FGF12: variants seen among roughly 807,000 people sequenced by gnomAD.
FGF12 encodes fibroblast growth factor 12.
Under a neutral mutation model 23.6 loss-of-function variants are expected in FGF12, and 14 were observed. The ratio of observed to expected loss-of-function variants is 0.59; its 90% CI spans 0.39 to 0.93. The LOEUF is 0.93. Ranked by LOEUF, FGF12 falls within the 40% of genes least tolerant of loss-of-function variation. The pLI, the probability that FGF12 is intolerant of heterozygous loss-of-function variation, is 0.00. For synonymous variants in FGF12, 62 were observed against 77.3 expected (o/e 0.80, Z 1.04); for missense variants, 175 against 217.8 (o/e 0.80, Z 1.24).
chr3:192,585,949 A>C (rs557240120), intron 2 of FGF12, among the ~76,000 whole-genome samples: 84 of 152,344 alleles, frequency 5.5e-4, no homozygotes, highest in African/African-American at 1.9e-3. Context: ...AGCAGTAATA[A>C]TATATGAAGA....
intron 2 of FGF12, among the ~76,000 whole-genome samples, chr3:192,564,766 A>T (rs781697925): frequency 3.3e-5 from 5 of 152,218 alleles, no homozygotes; most frequent in Non-Finnish European, 7.3e-5. Context: ...GGAATTTTTT[A>T]AATGTTTCTG....
At chr3:192,198,797 T>C (rs1475987414) in intron 4 of FGF12, among the ~76,000 whole-genome samples, 1 of 152,242 alleles carries the variant, frequency 6.6e-6, no homozygotes, top group Non-Finnish European at 1.5e-5. Context: ...AAGGTCAACA[T>C]GCTAGTGTCC....
chr3:192,444,503 G>A (rs146700570), intron 2 of FGF12, among the ~76,000 whole-genome samples: 209 of 152,226 alleles, frequency 1.4e-3, no homozygotes, highest in African/African-American at 4.6e-3. Flanking sequence ...ACAAGATAAT[G>A]TGACCTTCAG....
intron 2 of FGF12, among the ~76,000 whole-genome samples, chr3:192,497,594 C>T (rs1577019445): frequency 2.0e-5 from 3 of 152,190 alleles, no homozygotes; most frequent in South Asian, 4.1e-4. Flanking sequence ...TTGCTCTTGC[C>T]GCACTGCTCT....
At chr3:192,523,402 A>G (rs1724869378) in intron 2 of FGF12, among the ~76,000 whole-genome samples, 1 of 152,202 alleles carries the variant, frequency 6.6e-6, no homozygotes, top group African/African-American at 2.4e-5. Flanking sequence ...CTATATATTC[A>G]TTTTTAAATG....
intron 2 of FGF12, among the ~76,000 whole-genome samples, chr3:192,711,830 G>A (rs1457316556): frequency 2.0e-5 from 3 of 150,812 alleles, no homozygotes; most frequent in African/African-American, 7.3e-5. Flanking sequence ...AGGGTCCTCT[G>A]CCTAGGAAAA....
At chr3:192,726,026 A>G (rs551210811) in intron 2 of FGF12, among the ~76,000 whole-genome samples, 1 of 152,314 alleles carries the variant, frequency 6.6e-6, no homozygotes, top group Non-Finnish European at 1.5e-5. Context: ...TATACTATAA[A>G]TGCTTGCCTA....
Position 192,360,578 on chromosome 3 carries a change from A to G in FGF12, c.14-40T>C. The G allele has an allele frequency of 3.1e-6, 4 of 1,282,848 alleles. No individual in the cohort carries two copies. The highest frequency in any genetic ancestry group is 4.6e-6 in the Non-Finnish European group (4 of 878,130). 79.5% of individuals were successfully genotyped at this position (1,282,848 alleles called of 1,614,324 possible). The stretch of plus-strand genomic sequence containing the variant: ...AATTATTCAAATTTTTATTTGGCTT[A>G]CACAAATGCACACTTACAGATTGTT... On this transcript the variant is annotated intron_variant, in intron 2 of 5. Transcript: ENST00000445105. The surrounding 1 kb of genome is among the most constrained non-coding windows in gnomAD (Gnocchi z 4.3).
chr3:192,268,221 C>T lies in FGF12; in HGVS notation c.228+67140G>A, dbSNP rs192856096. ...GATTACCCAGACTGCACTTCTCTGCCCTACATACTAGCAAATTCTGCTGCT... is the reference window on the plus strand; with the variant it reads ...GATTACCCAGACTGCACTTCTCTGCTCTACATACTAGCAAATTCTGCTGCT... On this transcript the variant is annotated intron_variant, in intron 4 of 5. Transcript: ENST00000445105. Among the ~76,000 whole-genome samples the T allele has an allele frequency of 4.7e-4, 71 of 152,204 alleles. 1 individual carries two copies. The highest frequency in any genetic ancestry group is 2.5e-3 in the Admixed American group (38 of 15,278).
intron 4 of FGF12, among the ~76,000 whole-genome samples, chr3:192,306,858 TA>T (rs1715677637): frequency 1.3e-5 from 2 of 152,356 alleles, no homozygotes; most frequent in Admixed American, 6.5e-5. Context: ...TCTAATCTCA[TA>T]AAATGGGGTT....
intron 2 of FGF12, among the ~76,000 whole-genome samples, chr3:192,528,458 T>G (rs556518830): frequency 6.6e-6 from 1 of 152,186 alleles, no homozygotes. Flanking sequence ...GTTGCTTTCA[T>G]GGGCTGGTGT....
At chr3:192,420,623 A>G (rs775368613) in intron 2 of FGF12, among the ~76,000 whole-genome samples, 36 of 152,154 alleles carry the variant, frequency 2.4e-4, no homozygotes, top group Admixed American at 4.6e-4. Context: ...CTCTCTAGCC[A>G]TGTGGCACTA....
chr3:192,607,706 C>T (rs767153258), intron 2 of FGF12, among the ~76,000 whole-genome samples: 1 of 151,912 alleles, frequency 6.6e-6, no homozygotes, highest in Admixed American at 6.6e-5. Flanking sequence ...TTTATTTAAG[C>T]TCCCCATGTA....
intron 2 of FGF12, among the ~76,000 whole-genome samples, chr3:192,449,901 G>T (rs1196904419): frequency 6.6e-6 from 1 of 152,110 alleles, no homozygotes; most frequent in African/African-American, 2.4e-5. Flanking sequence ...GACAGCAGCT[G>T]ATATTTATAT....
chr3:192,270,385 C>G (rs922318727), intron 4 of FGF12, among the ~76,000 whole-genome samples: 2 of 152,140 alleles, frequency 1.3e-5, no homozygotes, highest in African/African-American at 4.8e-5. Context: ...TGCTATTCCA[C>G]TATATCAACA....
intron 2 of FGF12, among the ~76,000 whole-genome samples, chr3:192,363,064 G>A (rs1453276626): frequency 6.8e-6 from 1 of 147,816 alleles, no homozygotes; most frequent in Admixed American, 6.8e-5. Flanking sequence ...ACAGGAAGGC[G>A]AACATCACAC....
intron 2 of FGF12, among the ~76,000 whole-genome samples, chr3:192,549,309 T>C (rs1210692394): frequency 6.6e-6 from 1 of 152,116 alleles, no homozygotes; most frequent in Non-Finnish European, 1.5e-5. Context: ...TAATAATTAA[T>C]GTAACTTAGT....
chr3:192,210,776 G>C (rs918621580), intron 4 of FGF12, among the ~76,000 whole-genome samples: 5 of 152,160 alleles, frequency 3.3e-5, no homozygotes, highest in Non-Finnish European at 7.3e-5. Flanking sequence ...ATATTATATT[G>C]GAGGAAATGA....
chr3:192,163,473 A>G (rs1404969662), intron 5 of FGF12, among the ~76,000 whole-genome samples: 2 of 152,204 alleles, frequency 1.3e-5, no homozygotes, highest in Non-Finnish European at 2.9e-5. Flanking sequence ...AGTCCAATAT[A>G]TTGATCACAA....
Sources: allele counts gnomAD v4.1 joint callset (sites outside exome capture counted in the v4.1 genomes callset), GRCh38; gene constraint gnomAD v4.1.1; non-coding constraint Gnocchi (gnomAD v3.1); transcripts MANE v1.5; gene names NCBI Gene and HGNC (gene_info 2026-07-23, HGNC 2026-07-21).